VAV2: variants seen among roughly 807,000 people sequenced by gnomAD.
VAV2 encodes guanine nucleotide exchange factor VAV2.
A neutral mutation model predicts 132.5 loss-of-function variants in VAV2; 67 were observed. That is an observed-to-expected ratio of 0.51 (90% CI 0.42 to 0.62). VAV2 has a LOEUF of 0.62. VAV2 is among the 20% of genes least tolerant of loss of function. The pLI is 0.00. For missense variants in VAV2, 938 were observed against 1,153.6 expected, an observed-to-expected ratio of 0.81 and a Z score of 2.71; for synonymous variants, 492 against 443.5, an observed-to-expected ratio of 1.11 and a Z score of -1.37.
chr9:133,910,791 C>T (rs2519995), intron 2 of VAV2, among the ~76,000 whole-genome samples: 140,687 of 146,118 alleles, frequency 0.96, 67,887 homozygotes, highest in Non-Finnish European at 1. Flanking sequence ...ACCACTGCAC[C>T]CCAGCCTGGG....
rs542898066 is a variant in VAV2 at position 133,808,131 on chromosome 9, C to T, written c.667-805G>A. Among the ~76,000 whole-genome samples the T allele has an allele frequency of 1.5e-3, 224 of 152,364 alleles. 1 individual carries two copies. The highest frequency in any genetic ancestry group is 2.0e-3 in the Non-Finnish European group (135 of 68,032). On this transcript the variant is annotated intron_variant, in intron 7 of 29. Coordinates refer to ENST00000371850, the MANE Select transcript of VAV2 (RefSeq NM_001134398.2). ...ATTTAGCCATGGAGGGATACAGAGGCCAGCAGGGCCCTGGCAGAGGCTGAC... is the reference window on the plus strand; with the variant it reads ...ATTTAGCCATGGAGGGATACAGAGGTCAGCAGGGCCCTGGCAGAGGCTGAC...
intron 16 of VAV2, among the ~76,000 whole-genome samples, chr9:133,786,219 G>A (rs1056385019): frequency 5.3e-5 from 8 of 152,220 alleles, no homozygotes; most frequent in Admixed American, 3.3e-4. Context: ...GTGTCTATGC[G>A]TGTGCACCTG....
At chr9:133,813,754 T>C (rs560472545) in intron 4 of VAV2, among the ~76,000 whole-genome samples, 16 of 152,190 alleles carry the variant, frequency 1.1e-4, no homozygotes, top group African/African-American at 1.9e-4. Flanking sequence ...AGGAGCAAAG[T>C]TGGCAGAGGG....
intron 3 of VAV2, among the ~76,000 whole-genome samples, chr9:133,842,801 G>A (rs1210262729): frequency 6.6e-6 from 1 of 152,166 alleles, no homozygotes; most frequent in South Asian, 2.1e-4. Context: ...GGGGCCATGG[G>A]ACCCCACGCC....
chr9:133,878,425 C>A (rs1838352593), intron 2 of VAV2, among the ~76,000 whole-genome samples: 2 of 152,244 alleles, frequency 1.3e-5, no homozygotes, highest in Admixed American at 6.5e-5. Context: ...CCATCCCCAG[C>A]CAGGTGGCCC....
At chr9:133,895,223 G>T (rs1839150227) in intron 2 of VAV2, among the ~76,000 whole-genome samples, 1 of 151,998 alleles carries the variant, frequency 6.6e-6, no homozygotes, top group South Asian at 2.1e-4. Flanking sequence ...GGAGATCTCT[G>T]AGGGCTCCAA....
chr9:133,807,507 G>C (rs1471490444), intron 7 of VAV2, among the ~76,000 whole-genome samples, 181 bp from the exon 8 acceptor site: 1 of 152,234 alleles, frequency 6.6e-6, no homozygotes, highest in Non-Finnish European at 1.5e-5. Context: ...GTGCAGGGCA[G>C]GAAGGTGCGG....
chr9:133,981,663 A>G (rs1842697789), intron 1 of VAV2, among the ~76,000 whole-genome samples: 3 of 152,214 alleles, frequency 2.0e-5, no homozygotes, highest in Non-Finnish European at 4.4e-5. Context: ...ATCCCATTTC[A>G]GACAAGGAGG....
At chr9:133,873,110 G>C (rs1254454259) in intron 2 of VAV2, among the ~76,000 whole-genome samples, 4 of 134,712 alleles carry the variant, frequency 3.0e-5, no homozygotes, top group African/African-American at 1.1e-4. Flanking sequence ...GAGGGGGCGG[G>C]GGGGTGGGGG....
At chr9:133,973,720 T>C (rs1483355894) in intron 1 of VAV2, among the ~76,000 whole-genome samples, 1 of 152,176 alleles carries the variant, frequency 6.6e-6, no homozygotes, top group Non-Finnish European at 1.5e-5. Flanking sequence ...CCCTCGCCCT[T>C]TGTCCCTGGG....
In VAV2 at chr9:133,840,290, G is replaced by C. The variant is rs1047500300; in HGVS notation, c.381-5950C>G. 2.0e-5 allele frequency among the ~76,000 whole-genome samples: 3 copies of C among 152,136 alleles called. No individual in the cohort carries two copies. The highest frequency in any genetic ancestry group is 1.3e-4 in the Admixed American group (2 of 15,272). On this transcript the variant is annotated intron_variant, in intron 3 of 29. Coordinates refer to ENST00000371850, the MANE Select transcript of VAV2 (RefSeq NM_001134398.2). This position sits in a 1 kb window ranked among gnomAD's most constrained non-coding sequence, Gnocchi z 4.5. ...CGCCGAGGGGACGAAGCAGATGTCCGCACAGGAAGCAGAGAAGCCCCAAGT... is the reference window on the plus strand; with the variant it reads ...CGCCGAGGGGACGAAGCAGATGTCCCCACAGGAAGCAGAGAAGCCCCAAGT...
chr9:133,864,172 CA>C (rs1837708409), intron 2 of VAV2, among the ~76,000 whole-genome samples: 1 of 152,248 alleles, frequency 6.6e-6, no homozygotes, highest in Non-Finnish European at 1.5e-5. Flanking sequence ...TGAAGACGCA[CA>C]GCTGCATTTC....
chr9:133,915,779 C>G (rs757486020), intron 2 of VAV2, among the ~76,000 whole-genome samples: 18 of 150,844 alleles, frequency 1.2e-4, no homozygotes, highest in Admixed American at 6.6e-4. Context: ...AATGCACACA[C>G]GCACACGATG....
chr9:133,867,188 A>AGGGGACCACG (rs138859792), intron 2 of VAV2, among the ~76,000 whole-genome samples: 9,249 of 152,146 alleles, frequency 0.061, 305 homozygotes, highest in South Asian at 0.094. Context: ...CTGTCCACAT[A>AGGGGACCACG]GGGTCCTCAG....
intron 1 of VAV2, among the ~76,000 whole-genome samples, chr9:133,966,146 GACTT>G (rs1326046700): frequency 6.6e-6 from 1 of 152,158 alleles, no homozygotes; most frequent in Non-Finnish European, 1.5e-5. Context: ...TGGGATTAAA[GACTT>G]ACCCATAAGA....
chr9:133,797,588 T>C, intron 10 of VAV2, 122 bp downstream of exon 10: 1 of 844,490 alleles, frequency 1.2e-6, no homozygotes, highest in Non-Finnish European at 1.8e-6. Context: ...AACCATTACG[T>C]CATCACCCCC....
chr9:133,842,613 C>T (rs540733719), intron 3 of VAV2, among the ~76,000 whole-genome samples: 1 of 148,832 alleles, frequency 6.7e-6, no homozygotes, highest in East Asian at 2.1e-4. Flanking sequence ...CTGACACTAT[C>T]GGGGGGTGGT....
chr9:133,779,985 T>C (rs1833949310), intron 20 of VAV2, 46 bp from the exon 21 acceptor site: 1 of 1,610,122 alleles, frequency 6.2e-7, no homozygotes, highest in Non-Finnish European at 8.5e-7. Flanking sequence ...AGGCTGCTCT[T>C]TGACTGTGGC....
At chr9:133,877,138 C>T (rs1036691203) in intron 2 of VAV2, among the ~76,000 whole-genome samples, 1 of 152,204 alleles carries the variant, frequency 6.6e-6, no homozygotes, top group Non-Finnish European at 1.5e-5. Context: ...AGAACCCCCG[C>T]CCGGCCTGCT....
Sources: allele counts gnomAD v4.1 joint callset (sites outside exome capture counted in the v4.1 genomes callset), GRCh38; gene constraint gnomAD v4.1.1; non-coding constraint Gnocchi (gnomAD v3.1); transcripts MANE v1.5; gene names NCBI Gene and HGNC (gene_info 2026-07-23, HGNC 2026-07-21).